The following FUT8 variants were observed in gnomAD, a reference collection of about 807,000 sequenced individuals.
FUT8 encodes alpha-(1,6)-fucosyltransferase.
In FUT8, 29 loss-of-function variants were observed where a neutral mutation model predicts 71.3. The observed-to-expected ratio is 0.41, with a 90% CI of 0.30 to 0.55. The LOEUF (loss-of-function observed/expected upper bound fraction) is 0.55. FUT8 is among the 20% of genes least tolerant of loss of function. FUT8 has a pLI of 0.34. For synonymous variants in FUT8, 254 were observed against 239.3 expected, an observed-to-expected ratio of 1.06 and a Z score of -0.57; for missense variants, 544 against 702.1, an observed-to-expected ratio of 0.77 and a Z score of 2.55.
rs139420070 is a variant in FUT8 at position 65,550,906 on chromosome 14, C to CT, written c.-227-10430dup. Among the ~76,000 whole-genome samples, 1,189 of 152,192 alleles carry CT rather than the reference C, an allele frequency of 7.8e-3. 9 individuals are homozygous for CT. The highest frequency in any genetic ancestry group is 0.024 in the African/African-American group (991 of 41,506). On this transcript the variant is annotated intron_variant, in intron 2 of 10. Coordinates refer to ENST00000673929, the MANE Select transcript of FUT8 (RefSeq NM_001371533.1). This position sits in a 1 kb window ranked among gnomAD's most constrained non-coding sequence, Gnocchi z 4.5. ...ATTACGTTGTTTTTCCAGTTTAGTG[C>CT]TGTTGCAGACAATGATGTAAAGAGT...
At chr14:65,644,709 G>C (rs1891040841) in intron 6 of FUT8, among the ~76,000 whole-genome samples, 1 of 152,130 alleles carries the variant, frequency 6.6e-6, no homozygotes, top group Admixed American at 6.5e-5. Flanking sequence ...ACTATTCCTA[G>C]GGGAAATACA....
intron 2 of FUT8, among the ~76,000 whole-genome samples, chr14:65,501,414 A>G (rs72714461): frequency 0.13 from 20,362 of 152,156 alleles, 1,816 homozygotes; most frequent in Middle Eastern, 0.2. Context: ...TTGGGGTTCA[A>G]AACCTCTGGA....
intron 1 of FUT8, among the ~76,000 whole-genome samples, chr14:65,454,138 T>C (rs2065865965): frequency 6.6e-6 from 1 of 152,260 alleles, no homozygotes; most frequent in African/African-American, 2.4e-5. Context: ...CCATAATGGC[T>C]GGAAGCATAC....
intron 2 of FUT8, among the ~76,000 whole-genome samples, chr14:65,533,619 T>C (rs368007014): frequency 1.4e-4 from 21 of 151,850 alleles, no homozygotes; most frequent in African/African-American, 5.1e-4. Flanking sequence ...GTTTGACTTA[T>C]GCCCTTTATT....
At chr14:65,504,847 C>T (rs1485893581) in intron 2 of FUT8, among the ~76,000 whole-genome samples, 1 of 152,160 alleles carries the variant, frequency 6.6e-6, no homozygotes, top group Non-Finnish European at 1.5e-5. Flanking sequence ...AGCCACTGTG[C>T]AGGAGAATGG....
intron 6 of FUT8, among the ~76,000 whole-genome samples, chr14:65,658,319 C>G (rs1291077639): frequency 6.6e-6 from 1 of 152,116 alleles, no homozygotes; most frequent in Non-Finnish European, 1.5e-5. Flanking sequence ...GAACAACCAG[C>G]TCTTTCATGC....
At chr14:65,588,619 C>G (rs1214439497) in intron 3 of FUT8, among the ~76,000 whole-genome samples, 4 of 152,106 alleles carry the variant, frequency 2.6e-5, no homozygotes, top group African/African-American at 9.7e-5. Flanking sequence ...ACTCTTAGTC[C>G]TGCAGAGATC....
At position 65,443,690 on chromosome 14, in the gene FUT8, A is replaced by T. The variant is rs1442557108; in HGVS notation, c.-325-11931A>T. On this transcript the variant is annotated intron_variant, in intron 1 of 10. Transcript: ENST00000673929. Reference sequence around the variant, plus strand: ...AGTCATGATTGTGCCACTGCTCTCCAGCCTAGGCAACAGAGCAGGACCTCT... The same window carrying T: ...AGTCATGATTGTGCCACTGCTCTCCTGCCTAGGCAACAGAGCAGGACCTCT... 2.0e-5 allele frequency among the ~76,000 whole-genome samples: 3 copies of T among 150,684 alleles called. No homozygotes were observed. In the Admixed American group the frequency reaches 2.0e-4, roughly 10 times the overall value.
Position 65,550,724 on chromosome 14 carries a change from T to C in FUT8, c.-227-10613T>C, listed in dbSNP as rs1885239708. Among the ~76,000 whole-genome samples, 2 of 152,226 alleles carry C rather than the reference T, an allele frequency of 1.3e-5. No homozygotes were observed. Among genetic ancestry groups the C allele is most frequent in the African/African-American group, 4.8e-5 (2 of 41,468 alleles). ...CTTGTTTCAGCGCTCTTGTCTGCTG[T>C]CATCATTGTCATTTCTGTTTTCTGG... On this transcript the variant is annotated intron_variant, in intron 2 of 10. Transcript: ENST00000673929. This position sits in a 1 kb window ranked among gnomAD's most constrained non-coding sequence, Gnocchi z 4.5.
chr14:65,363,849 T>C, the FUT8 span, among the ~76,000 whole-genome samples: 24 of 152,358 alleles, frequency 1.6e-4, no homozygotes, highest in African/African-American at 5.3e-4. Context: ...TGCCATGCTT[T>C]CTAAAACTTT....
At chr14:65,462,996 A>G (rs571978385) in intron 2 of FUT8, among the ~76,000 whole-genome samples, 117 of 152,330 alleles carry the variant, frequency 7.7e-4, no homozygotes, top group Non-Finnish European at 1.1e-3. Flanking sequence ...CACAAATTGT[A>G]CTAAGTGTTT....
At chr14:65,671,631 A>G (rs1892485150) in intron 7 of FUT8, among the ~76,000 whole-genome samples, 1 of 152,248 alleles carries the variant, frequency 6.6e-6, no homozygotes, top group African/African-American at 2.4e-5. Context: ...AATGATGATT[A>G]GAGGCACAGA....
chr14:65,436,378 C>G (rs1273451017), intron 1 of FUT8, among the ~76,000 whole-genome samples: 5 of 152,160 alleles, frequency 3.3e-5, no homozygotes, highest in African/African-American at 1.2e-4. Flanking sequence ...CACGTGTAAT[C>G]CCAGCACTTT....
intron 7 of FUT8, among the ~76,000 whole-genome samples, chr14:65,704,808 C>T (rs767285604): frequency 1.3e-4 from 20 of 152,214 alleles, no homozygotes; most frequent in Non-Finnish European, 1.9e-4. Flanking sequence ...TCTTTTGACA[C>T]TGTCCTGCCT....
chr14:65,550,427 T>C lies in FUT8; in HGVS notation c.-227-10910T>C, dbSNP rs546882761. On this transcript the variant is annotated intron_variant, in intron 2 of 10. Coordinates refer to ENST00000673929, the MANE Select transcript of FUT8 (RefSeq NM_001371533.1). The surrounding 1 kb of genome is among the most constrained non-coding windows in gnomAD (Gnocchi z 4.5). ...GACAAAATCATTTAACACAAAACTA[T>C]TTTGTAATGAAGTGTTGAATATTTT... is the stretch of plus-strand genomic sequence containing the variant. Among the ~76,000 whole-genome samples the C allele has an allele frequency of 1.3e-5, 2 of 152,300 alleles. No individual in the cohort carries two copies. Among genetic ancestry groups the C allele is most frequent in the African/African-American group, 4.8e-5 (2 of 41,576 alleles).
At chr14:65,412,418 G>A (rs910780205), upstream of FUT8, 1 of 439,098 alleles carries the variant, frequency 2.3e-6, no homozygotes, top group African/African-American at 2.0e-5. Flanking sequence ...CTCTGGAGGC[G>A]AGTCTCCTCC....
chr14:65,738,211 T>C (rs1896319072), intron 10 of FUT8, among the ~76,000 whole-genome samples: 1 of 152,154 alleles, frequency 6.6e-6, no homozygotes, highest in Admixed American at 6.6e-5. Flanking sequence ...TATTCTCTTA[T>C]TGTATAGTAA....
At position 65,436,338 on chromosome 14, in the gene FUT8, A is replaced by T. The variant is rs532475342; in HGVS notation, c.-325-19283A>T. On this transcript the variant is annotated intron_variant, in intron 1 of 10. Transcript: ENST00000673929. ...CGAGAATGCTTATTGGCTTTAAAAA[A>T]CAATGATAGTGGCCAGGCACAGTGG... 1.4e-4 allele frequency among the ~76,000 whole-genome samples: 22 copies of T among 152,270 alleles called. No homozygotes were observed. The East Asian group carries it at 4.3e-3, about 29-fold the overall frequency.
intron 2 of FUT8, among the ~76,000 whole-genome samples, chr14:65,502,083 G>C (rs2066654907): frequency 6.6e-6 from 1 of 151,910 alleles, no homozygotes; most frequent in Non-Finnish European, 1.5e-5. Context: ...GCTAATTTTT[G>C]TATTTTTTGT....
Sources: gnomAD v4.1 joint callset for allele counts (sites outside exome capture counted in the v4.1 genomes callset) on GRCh38, gnomAD v4.1.1 for gene constraint, Gnocchi (gnomAD v3.1) non-coding constraint, MANE v1.5 for transcripts, NCBI Gene and HGNC (gene_info 2026-07-23, HGNC 2026-07-21) for gene names.